Variants in FAM124A observed in about 807,000 individuals in gnomAD.
FAM124A encodes the protein protein FAM124A.
Under a neutral mutation model 24.5 loss-of-function variants are expected in FAM124A, and 23 were observed. That is an observed-to-expected ratio of 0.94 (90% confidence interval 0.68 to 1.33). The LOEUF is 1.33. Among genes scored for constraint, FAM124A ranks in the 40% most tolerant of loss-of-function variants. The pLI is 0.00. For synonymous variants in FAM124A, 287 were observed against 314.7 expected, an observed-to-expected ratio of 0.91 and a Z score of 0.93; for missense variants, 623 against 722.8, an observed-to-expected ratio of 0.86 and a Z score of 1.58.
At chr13:51,255,915 T>A (rs1214670074) in intron 3 of FAM124A, among the ~76,000 whole-genome samples, 2 of 152,150 alleles carry the variant, frequency 1.3e-5, no homozygotes, top group Non-Finnish European at 2.9e-5. Flanking sequence ...AGCTAGTGAG[T>A]GTCAGTGAAT....
intron 3 of FAM124A, among the ~76,000 whole-genome samples, chr13:51,264,734 T>C (rs1954768936): frequency 6.6e-6 from 1 of 152,208 alleles, no homozygotes; most frequent in Non-Finnish European, 1.5e-5. Context: ...GGATTCATAA[T>C]AGCTGTACAT....
At chr13:51,254,415 A>G (rs1344755094) in intron 3 of FAM124A, among the ~76,000 whole-genome samples, 1 of 151,720 alleles carries the variant, frequency 6.6e-6, no homozygotes, top group African/African-American at 2.4e-5. Flanking sequence ...TCTGGGATCT[A>G]CTCACCCCTT....
chr13:51,242,195 T>C (rs1192049709), intron 2 of FAM124A, among the ~76,000 whole-genome samples: 5 of 152,234 alleles, frequency 3.3e-5, no homozygotes, highest in Non-Finnish European at 7.3e-5. Context: ...ATCTCCAGTA[T>C]TTGTTGAGAT....
Position 51,256,758 on chromosome 13 carries a change from A to G in FAM124A, c.834+4557A>G, listed in dbSNP as rs80126774. 3.2e-4 allele frequency among the ~76,000 whole-genome samples: 49 copies of G among 152,286 alleles called. No homozygotes were observed. In the East Asian group the frequency reaches 9.4e-3, roughly 29 times the overall value. On this transcript the variant is annotated intron_variant, in intron 3 of 3. Transcript: ENST00000322475. ...CAGTTCAGTGGTTTTATCCATTCAC[A>G]TTATTGTGCAACCATCACCACCATC...
chr13:51,242,126 T>C (rs1360848355), intron 2 of FAM124A, among the ~76,000 whole-genome samples: 2 of 152,238 alleles, frequency 1.3e-5, no homozygotes, highest in African/African-American at 4.8e-5. Flanking sequence ...CATTTCCTAA[T>C]ACAAGATTAA....
intron 3 of FAM124A, among the ~76,000 whole-genome samples, chr13:51,267,969 A>T (rs1025437829): frequency 9.9e-5 from 15 of 152,222 alleles, no homozygotes; most frequent in Non-Finnish European, 1.9e-4. Context: ...TGGCTCTTCC[A>T]TGTAAAGCTT....
intron 3 of FAM124A, among the ~76,000 whole-genome samples, chr13:51,275,344 C>G (rs943860894): frequency 6.6e-6 from 1 of 152,152 alleles, no homozygotes; most frequent in Admixed American, 6.5e-5. Context: ...TGCCACTGCA[C>G]GCCAGCCTGG....
intron 1 of FAM124A, among the ~76,000 whole-genome samples, chr13:51,228,341 A>G (rs1954338173): frequency 1.3e-5 from 2 of 152,218 alleles, no homozygotes; most frequent in Admixed American, 6.5e-5. Flanking sequence ...TAATATAGAC[A>G]AGGGACTGCA....
intron 1 of FAM124A, among the ~76,000 whole-genome samples, chr13:51,224,502 A>G (rs1282292817): frequency 2.0e-5 from 3 of 152,184 alleles, no homozygotes; most frequent in Non-Finnish European, 4.4e-5. Context: ...CTGTATCACT[A>G]GTATCCTTAA....
chr13:51,242,128 C>T (rs554082714), intron 2 of FAM124A, among the ~76,000 whole-genome samples: 18 of 152,246 alleles, frequency 1.2e-4, no homozygotes, highest in South Asian at 1.0e-3. Flanking sequence ...TTTCCTAATA[C>T]AAGATTAATA....
intron 2 of FAM124A, among the ~76,000 whole-genome samples, chr13:51,232,327 A>G (rs1313285392): frequency 6.6e-6 from 1 of 152,216 alleles, no homozygotes; most frequent in Admixed American, 6.5e-5. Flanking sequence ...AACAAAAGTA[A>G]TTGTCTTAAT....
intron 2 of FAM124A, among the ~76,000 whole-genome samples, chr13:51,237,821 A>G (rs759411658): frequency 2.0e-5 from 3 of 152,136 alleles, no homozygotes; most frequent in Admixed American, 1.3e-4. Flanking sequence ...CTGTAGGTGT[A>G]TGGTATGAGA....
At chr13:51,279,756 C>T (rs1433222555) in intron 3 of FAM124A, among the ~76,000 whole-genome samples, 1 of 152,222 alleles carries the variant, frequency 6.6e-6, no homozygotes, top group Non-Finnish European at 1.5e-5. Context: ...GATCAGTCAG[C>T]AGGCGGCAGC....
At chr13:51,239,285 C>T (rs775465273) in intron 2 of FAM124A, among the ~76,000 whole-genome samples, 1 of 152,224 alleles carries the variant, frequency 6.6e-6, no homozygotes, top group Admixed American at 6.5e-5. Flanking sequence ...GAAGCAAACC[C>T]AGAATCCTAC....
At chr13:51,223,232 C>A (rs538411843) in intron 1 of FAM124A, among the ~76,000 whole-genome samples, 1 of 151,652 alleles carries the variant, frequency 6.6e-6, no homozygotes, top group Non-Finnish European at 1.5e-5. Context: ...CTTCAGCGGA[C>A]TCAAACAATG....
chr13:51,275,479 T>A (rs1324967384), intron 3 of FAM124A, among the ~76,000 whole-genome samples: 1 of 152,070 alleles, frequency 6.6e-6, no homozygotes, highest in African/African-American at 2.4e-5. Context: ...AAGATACCAA[T>A]AAGAGAACAA....
chr13:51,232,266 C>T (rs1954385776), intron 2 of FAM124A, among the ~76,000 whole-genome samples: 1 of 151,916 alleles, frequency 6.6e-6, no homozygotes, highest in African/African-American at 2.4e-5. Flanking sequence ...ATTAAGATTA[C>T]TACATAAATG....
chr13:51,279,128 A>C (rs540102147), intron 3 of FAM124A, among the ~76,000 whole-genome samples: 8 of 152,356 alleles, frequency 5.3e-5, no homozygotes, highest in African/African-American at 1.7e-4. Flanking sequence ...TAGACATTTG[A>C]ATTAATAAAC....
chr13:51,253,953 A>C (rs1166447847), intron 3 of FAM124A, among the ~76,000 whole-genome samples: 6 of 152,160 alleles, frequency 3.9e-5, no homozygotes, highest in Admixed American at 1.3e-4. Context: ...CTCTCCCCCC[A>C]AGATTCTTGG....
Sources: gnomAD v4.1 joint callset for allele counts (sites outside exome capture counted in the v4.1 genomes callset) on GRCh38, gnomAD v4.1.1 for gene constraint, MANE v1.5 for transcripts, NCBI Gene and HGNC (gene_info 2026-07-23, HGNC 2026-07-21) for gene names.